Variants in KIF16B observed in about 807,000 individuals in gnomAD.
KIF16B encodes the protein kinesin-like protein KIF16B.
Under a neutral mutation model 156.3 loss-of-function variants are expected in KIF16B, and 98 were observed. That is an observed-to-expected ratio of 0.63 (90% confidence interval 0.53 to 0.74). The LOEUF is 0.74. KIF16B is among the 30% of genes least tolerant of loss of function. The pLI is 0.00. For synonymous variants in KIF16B, 564 were observed against 583.7 expected, an observed-to-expected ratio of 0.97 and a Z score of 0.49; for missense variants, 1,421 against 1,606.5, an observed-to-expected ratio of 0.88 and a Z score of 1.97.
At chr20:16,306,627 A>C (rs2063544442) in intron 25 of KIF16B, among the ~76,000 whole-genome samples, 1 of 152,168 alleles carries the variant, frequency 6.6e-6, no homozygotes, top group Admixed American at 6.6e-5. Flanking sequence ...TAAATGTAAC[A>C]AACTGAGATA....
intron 12 of KIF16B, among the ~76,000 whole-genome samples, chr20:16,485,403 T>C (rs2068085873): frequency 6.6e-6 from 1 of 152,154 alleles, no homozygotes; most frequent in East Asian, 1.9e-4. Context: ...ACAAGCTGAG[T>C]TCAATAATTA....
chr20:16,321,143 C>G (rs985352585), intron 24 of KIF16B, among the ~76,000 whole-genome samples: 3 of 151,942 alleles, frequency 2.0e-5, no homozygotes, highest in African/African-American at 7.3e-5. Context: ...TTATCTGTGC[C>G]TATTCATTTA....
At chr20:16,392,969 G>A (rs74626158) in intron 17 of KIF16B, among the ~76,000 whole-genome samples, 3,187 of 152,260 alleles carry the variant, frequency 0.021, 119 homozygotes, top group African/African-American at 0.073. Flanking sequence ...AGTTCTGAGT[G>A]TCTTTAATGA....
intron 15 of KIF16B, among the ~76,000 whole-genome samples, chr20:16,407,550 G>C (rs2065817350): frequency 6.6e-6 from 1 of 152,136 alleles, no homozygotes; most frequent in Non-Finnish European, 1.5e-5. Flanking sequence ...CGGATAACCA[G>C]AGGGCAAGAG....
chr20:16,414,342 G>T (rs1484499283), intron 15 of KIF16B, among the ~76,000 whole-genome samples: 1 of 152,008 alleles, frequency 6.6e-6, no homozygotes, highest in Non-Finnish European at 1.5e-5. Flanking sequence ...TGCAACAAAG[G>T]CAGCAGGCAT....
chr20:16,434,041 T>C (rs6043943), intron 12 of KIF16B, among the ~76,000 whole-genome samples: 73,395 of 151,926 alleles, frequency 0.48, 18,619 homozygotes, highest in African/African-American at 0.64. Flanking sequence ...ACAAAGATTT[T>C]GGCAACCATG....
chr20:16,517,054 A>G (rs540069438), intron 3 of KIF16B, among the ~76,000 whole-genome samples: 1 of 152,080 alleles, frequency 6.6e-6, no homozygotes, highest in South Asian at 2.1e-4. Context: ...CAACACCCAC[A>G]CCCTAGACAG....
rs1464613671 is a variant in KIF16B at position 16,379,095 on chromosome 20, G to C, written c.2907C>G (p.Leu969=). Reference sequence around the variant, plus strand: ...TGGCAGTGAATTCAAAGGTGGCTTGGAGCTTTTGCAGCTGGTTTGCATTGG... The same window carrying C: ...TGGCAGTGAATTCAAAGGTGGCTTGCAGCTTTTGCAGCTGGTTTGCATTGG... ...YQANANQLQK[L]QATFEFTANI... Residue 969 remains leucine (L), a synonymous_variant, in exon 19 of 26, where the codon CTC becomes CTG. Coordinates refer to ENST00000354981, the MANE Select transcript of KIF16B (RefSeq NM_024704.5). 6 of 1,612,474 alleles carry C rather than the reference G, an allele frequency of 3.7e-6. No individual in the cohort carries two copies. Among genetic ancestry groups the C allele is most frequent in the Admixed American group, 1.7e-5 (1 of 59,862 alleles).
chr20:16,467,292 TC>T (rs1407017393), intron 12 of KIF16B, among the ~76,000 whole-genome samples: 1 of 152,046 alleles, frequency 6.6e-6, no homozygotes, highest in African/African-American at 2.4e-5. Context: ...ATAGAACACT[TC>T]CTGTCCCCCC....
At chr20:16,415,822 GT>G (rs1367993719) in intron 15 of KIF16B, among the ~76,000 whole-genome samples, 1 of 152,116 alleles carries the variant, frequency 6.6e-6, no homozygotes, top group Non-Finnish European at 1.5e-5. Context: ...TCTGGGAGGA[GT>G]TTTGGTTCTG....
At chr20:16,352,907 A>T (rs901515067) in intron 23 of KIF16B, among the ~76,000 whole-genome samples, 14 of 152,206 alleles carry the variant, frequency 9.2e-5, no homozygotes, top group Non-Finnish European at 1.3e-4. Flanking sequence ...CAAGCTATAC[A>T]GCAAACAGGG....
chr20:16,504,696 C>T, intron 9 of KIF16B, 149 bp from the exon 10 acceptor site: 2 of 608,062 alleles, frequency 3.3e-6, no homozygotes, highest in South Asian at 5.2e-5. Context: ...GAAAAATTAT[C>T]TAACATTTCT....
chr20:16,461,044 T>G (rs1466568697), intron 12 of KIF16B, among the ~76,000 whole-genome samples: 1 of 151,984 alleles, frequency 6.6e-6, no homozygotes, highest in African/African-American at 2.4e-5. Context: ...AATTTCATTG[T>G]TATATAAAAA....
At chr20:16,382,650 C>T (rs1260234347) in intron 17 of KIF16B, among the ~76,000 whole-genome samples, 2 of 152,128 alleles carry the variant, frequency 1.3e-5, no homozygotes, top group African/African-American at 2.4e-5. Flanking sequence ...TTAATTATCG[C>T]AAAGTTTCAC....
In KIF16B at chr20:16,367,551, G is replaced by A. The variant is rs367737989; in HGVS notation, c.3498+3035C>T. ...GCGACTGGCACTGGTCATGGCCAGA[G>A]TCACCCATGACTTTCACTGTTGTGT... On this transcript the variant is annotated intron_variant, in intron 22 of 25. Coordinates refer to ENST00000354981, the MANE Select transcript of KIF16B (RefSeq NM_024704.5). The A allele has an allele frequency of 2.7e-5, 44 of 1,612,704 alleles. No individual in the cohort carries two copies. The African/African-American group carries it at 4.0e-4, about 15-fold the overall frequency.
chr20:16,376,739 G>A (rs2064961227), intron 19 of KIF16B, among the ~76,000 whole-genome samples: 2 of 152,088 alleles, frequency 1.3e-5, no homozygotes, highest in African/African-American at 2.4e-5. Flanking sequence ...ATACTAAATG[G>A]CCAGGTGACA....
rs143028245 is a variant in KIF16B, at chr20:16,411,832, C to T, written c.1613-5376G>A. On this transcript the variant is annotated intron_variant, in intron 15 of 25. Transcript: ENST00000354981. ...TGGACCTAAGTTTTGATTGCGACCC[C>T]ATCACATGAGGTTAGGTGTGGAGTT... 1.3e-3 allele frequency among the ~76,000 whole-genome samples: 199 copies of T among 151,908 alleles called. 3 individuals carry two copies. Among genetic ancestry groups the T allele is most frequent in the African/African-American group, 4.6e-3 (190 of 41,460 alleles).
intron 23 of KIF16B, among the ~76,000 whole-genome samples, chr20:16,348,039 T>C (rs2123075719): frequency 6.6e-6 from 1 of 152,346 alleles, no homozygotes; most frequent in South Asian, 2.1e-4. Context: ...TTCTTCATGC[T>C]TCCTGGCAGG....
At chr20:16,476,292 C>T (rs530991450) in intron 12 of KIF16B, among the ~76,000 whole-genome samples, 6 of 152,198 alleles carry the variant, frequency 3.9e-5, no homozygotes, top group Admixed American at 3.3e-4. Flanking sequence ...TTGGGATTGC[C>T]AATTGTCAAT....
Sources: allele counts gnomAD v4.1 joint callset (sites outside exome capture counted in the v4.1 genomes callset), GRCh38; gene constraint gnomAD v4.1.1; transcripts MANE v1.5; gene names NCBI Gene and HGNC (gene_info 2026-07-23, HGNC 2026-07-21).